The following OVOL2 variants were observed in gnomAD, a reference collection of about 807,000 sequenced individuals.
OVOL2 encodes transcription factor Ovo-like 2.
Under a neutral mutation model 18.1 loss-of-function variants are expected in OVOL2, and 13 were observed. The ratio of observed to expected loss-of-function variants is 0.72; its 90% confidence interval spans 0.47 to 1.14. The LOEUF (loss-of-function observed/expected upper bound fraction) is 1.14. Among genes scored for constraint, OVOL2 ranks in the 50% most tolerant of loss-of-function variants. OVOL2 has a pLI of 0.00. For missense variants in OVOL2, 335 were observed against 383.0 expected (o/e 0.87, Z 1.05); for synonymous variants, 166 against 162.7 (o/e 1.02, Z -0.16).
In OVOL2 at chr20:18,056,369, T is replaced by C. The variant is rs1053693123; in HGVS notation, c.321+288A>G. On this transcript the variant is annotated intron_variant, in intron 2 of 3. Coordinates refer to ENST00000278780, the MANE Select transcript of OVOL2 (RefSeq NM_021220.4). This position sits in a 1 kb window ranked among gnomAD's most constrained non-coding sequence, Gnocchi z 4.2. ...GGCGGAAGGCAGTGATGCCTGTGCCTTTTCGGCAGTTCCAGAGGCAGCACT... is the reference window on the plus strand; with the variant it reads ...GGCGGAAGGCAGTGATGCCTGTGCCCTTTCGGCAGTTCCAGAGGCAGCACT... Among the ~76,000 whole-genome samples, 1 of 152,178 alleles carries C rather than the reference T, an allele frequency of 6.6e-6. No individual in the cohort carries two copies. Among genetic ancestry groups the C allele is most frequent in the Non-Finnish European group, 1.5e-5 (1 of 68,020 alleles).
intron 3 of OVOL2, among the ~76,000 whole-genome samples, chr20:18,035,369 A>G (rs1291614793): frequency 6.6e-6 from 1 of 152,244 alleles, no homozygotes; most frequent in East Asian, 1.9e-4. Flanking sequence ...AGGCAAGAGA[A>G]TCGCTGGAAC....
intron 3 of OVOL2, among the ~76,000 whole-genome samples, chr20:18,030,684 G>A (rs943991874): frequency 6.6e-5 from 10 of 152,182 alleles, no homozygotes; most frequent in African/African-American, 2.2e-4. Context: ...TCCAGGGAGT[G>A]GGTAGAATTA....
chr20:18,040,491 A>G (rs2036658543), intron 3 of OVOL2, among the ~76,000 whole-genome samples: 1 of 152,208 alleles, frequency 6.6e-6, no homozygotes, highest in Non-Finnish European at 1.5e-5. Context: ...TCTGGATTTC[A>G]TTCTGTTCAG....
chr20:18,041,731 C>T lies in OVOL2; in HGVS notation c.322-8G>A, dbSNP rs758289935. ...GCACGTGCCTGTGGTGAACTGGGGG[C>T]AGAGAGAGGCCATGAGGGTCCCCGG... On this transcript the variant is annotated splice_polypyrimidine_tract_variant and splice_region_variant and intron_variant, in intron 2 of 3. Coordinates refer to ENST00000278780, the MANE Select transcript of OVOL2 (RefSeq NM_021220.4). The T allele has an allele frequency of 3.1e-6, 5 of 1,606,646 alleles. No homozygotes were observed. In the Admixed American group the frequency reaches 5.0e-5, roughly 16 times the overall value.
At chr20:18,036,962 C>T (rs1395803533) in intron 3 of OVOL2, among the ~76,000 whole-genome samples, 1 of 151,834 alleles carries the variant, frequency 6.6e-6, no homozygotes, top group East Asian at 1.9e-4. Flanking sequence ...AGGTGAAACC[C>T]CGTCTCTACT....
chr20:18,043,788 T>C (rs906191612), intron 2 of OVOL2, among the ~76,000 whole-genome samples: 3 of 152,194 alleles, frequency 2.0e-5, no homozygotes, highest in African/African-American at 7.2e-5. Flanking sequence ...AGGAAGAACA[T>C]AGAATCTACA....
At chr20:18,043,657 T>C (rs1392770498) in intron 2 of OVOL2, among the ~76,000 whole-genome samples, 1 of 152,170 alleles carries the variant, frequency 6.6e-6, no homozygotes, top group Admixed American at 6.6e-5. Context: ...CATAAACGCA[T>C]AAAATTATCA....
rs1331946746 is a variant in OVOL2 at position 18,057,181 on chromosome 20, C to T, written c.101-304G>A. ...GGGGGAGGCGGATCTGACCTCTCCC[C>T]AGCTAGCCCCAGAAGGGTTGGCGAG... is the stretch of plus-strand genomic sequence containing the variant. On this transcript the variant is annotated intron_variant, in intron 1 of 3. Transcript: ENST00000278780. This position sits in a 1 kb window ranked among gnomAD's most constrained non-coding sequence, Gnocchi z 6.3. Among the ~76,000 whole-genome samples, 2 of 152,140 alleles carry T rather than the reference C, an allele frequency of 1.3e-5. No homozygotes were observed. The highest frequency in any genetic ancestry group is 1.3e-4 in the Admixed American group (2 of 15,288).
rs1600456996 is a variant in OVOL2 at position 18,057,804 on chromosome 20, G to C, written c.-170C>G. 1 of 1,368,756 alleles carries C rather than the reference G, an allele frequency of 7.3e-7. No homozygotes were observed. The highest frequency in any genetic ancestry group is 1.7e-5 in the South Asian group (1 of 58,020). 84.8% of individuals were successfully genotyped at this position (1,368,756 alleles called of 1,614,324 possible). A position where few individuals can be genotyped will look rare whatever the true frequency, so the allele number is the denominator to read the frequency against. ...CGCGGCCCAGGCCTCTCCCCCGCAC[G>C]CCTGGCGACTCCCAGCCTCCCGGCT... On this transcript the variant is annotated 5_prime_UTR_variant, in exon 1 of 4. Coordinates refer to ENST00000278780, the MANE Select transcript of OVOL2 (RefSeq NM_021220.4). This position sits in a 1 kb window ranked among gnomAD's most constrained non-coding sequence, Gnocchi z 6.3.
intron 3 of OVOL2, among the ~76,000 whole-genome samples, chr20:18,039,616 AAAAAAAG>A (rs1427134448): frequency 2.0e-5 from 3 of 149,880 alleles, no homozygotes; most frequent in Admixed American, 6.7e-5. Flanking sequence ...TCAAAAAAAA[AAAAAAAG>A]AAAGAAAGAA....
In OVOL2 at chr20:18,024,571, T is replaced by C; in HGVS notation, c.*65A>G. 1 of 1,479,936 alleles carries C rather than the reference T, an allele frequency of 6.8e-7. No individual in the cohort carries two copies. The highest frequency in any genetic ancestry group is 1.4e-5 in the South Asian group (1 of 71,888). The allele number at this position is 1,479,936 out of a possible 1,614,324, so 91.7% of individuals were successfully genotyped here. A position where few individuals can be genotyped will look rare whatever the true frequency, so the allele number is the denominator to read the frequency against. On this transcript the variant is annotated 3_prime_UTR_variant, in exon 4 of 4. Transcript: ENST00000278780. ...GAAGAGCCAGTGGGGTGGGGGAAGC[T>C]GAAAACCAAAAATCCACGTAGACAT...
chr20:18,053,713 A>AG (rs1257743194), intron 2 of OVOL2, among the ~76,000 whole-genome samples: 3 of 151,780 alleles, frequency 2.0e-5, no homozygotes, highest in Non-Finnish European at 2.9e-5. Context: ...AAAAAAAAAA[A>AG]AAAAAAGAGG....
chr20:18,038,296 T>C (rs906829749), intron 3 of OVOL2, among the ~76,000 whole-genome samples: 13 of 152,232 alleles, frequency 8.5e-5, no homozygotes, highest in African/African-American at 2.9e-4. Context: ...TAATATTTAC[T>C]ACGCACTTAC....
At chr20:18,041,807 C>T (rs1600444569) in intron 2 of OVOL2, 84 bp from the exon 3 acceptor site, 1 of 1,316,132 alleles carries the variant, frequency 7.6e-7, no homozygotes, top group African/African-American at 1.5e-5. Context: ...CTCCCTGTGT[C>T]TTGAGGCTGC....
intron 2 of OVOL2, among the ~76,000 whole-genome samples, chr20:18,051,122 T>C (rs146181644): frequency 1.7e-4 from 26 of 152,196 alleles, no homozygotes; most frequent in African/African-American, 5.3e-4. Flanking sequence ...GTGCCTGTAG[T>C]CCTAGCACTT....
chr20:18,032,394 AAGGG>A (rs779636487), intron 3 of OVOL2, among the ~76,000 whole-genome samples: 12 of 140,412 alleles, frequency 8.5e-5, no homozygotes, highest in Non-Finnish European at 1.6e-4. Flanking sequence ...GGAAGGAAGG[AAGGG>A]AGGAAGGAAG....
chr20:18,058,376 G>A (rs1474368657), upstream of OVOL2, among the ~76,000 whole-genome samples: 1 of 151,492 alleles, frequency 6.6e-6, no homozygotes, highest in East Asian at 1.9e-4. Context: ...TGGGGGCTTA[G>A]GGGCTTAAGC....
At chr20:18,055,889 G>C (rs969784107) in intron 2 of OVOL2, among the ~76,000 whole-genome samples, 1 of 152,222 alleles carries the variant, frequency 6.6e-6, no homozygotes, top group African/African-American at 2.4e-5. Flanking sequence ...CTAAACCTTG[G>C]TGGGTAGCGG....
At chr20:18,055,705 A>T (rs1264854711) in intron 2 of OVOL2, among the ~76,000 whole-genome samples, 1 of 151,578 alleles carries the variant, frequency 6.6e-6, no homozygotes, top group Non-Finnish European at 1.5e-5. Flanking sequence ...ACCGCCCTCT[A>T]CTCCCGGTCT....
Sources: gnomAD v4.1 joint callset for allele counts (sites outside exome capture counted in the v4.1 genomes callset) on GRCh38, gnomAD v4.1.1 for gene constraint, Gnocchi (gnomAD v3.1) non-coding constraint, MANE v1.5 for transcripts, NCBI Gene and HGNC (gene_info 2026-07-23, HGNC 2026-07-21) for gene names.